The following ME1 variants were observed in gnomAD, a reference collection of about 807,000 sequenced individuals.
The protein encoded by ME1 is malic enzyme 1.
A neutral mutation model predicts 66.4 loss-of-function variants in ME1; 74 were observed. The ratio of observed to expected loss-of-function variants is 1.11; its 90% CI spans 0.92 to 1.35. The LOEUF is 1.35. Ranked by LOEUF, ME1 falls within the 40% of genes most tolerant of loss-of-function variation. The probability of loss-of-function intolerance (pLI) is 0.00; values close to 1 mark genes in which losing one functional copy is unlikely to be tolerated. For missense variants in ME1, 750 were observed against 694.1 expected, an observed-to-expected ratio of 1.08 and a Z score of -0.90; for synonymous variants, 251 against 235.6, an observed-to-expected ratio of 1.07 and a Z score of -0.60.
intron 5 of ME1, among the ~76,000 whole-genome samples, chr6:83,321,861 C>T (rs965350676): frequency 6.6e-6 from 1 of 152,224 alleles, no homozygotes; most frequent in East Asian, 1.9e-4. Flanking sequence ...GACGGAGAGA[C>T]ACCTCCCAGC....
intron 13 of ME1, among the ~76,000 whole-genome samples, chr6:83,213,165 CT>C (rs1789928291): frequency 1.3e-5 from 2 of 151,728 alleles, no homozygotes; most frequent in South Asian, 4.2e-4. Flanking sequence ...TGGCTCATGC[CT>C]GTAATCCCAG....
chr6:83,226,784 G>T (rs1364401218), intron 11 of ME1, among the ~76,000 whole-genome samples: 2 of 137,010 alleles, frequency 1.5e-5, no homozygotes, highest in African/African-American at 7.3e-5. Context: ...GGGAAAAAAG[G>T]CTCCTTTCAG....
intron 5 of ME1, among the ~76,000 whole-genome samples, chr6:83,317,454 G>A (rs530976831): frequency 6.6e-6 from 1 of 151,504 alleles, no homozygotes; most frequent in Non-Finnish European, 1.5e-5. Context: ...CTCATGATTT[G>A]GCTCTCTGTT....
intron 3 of ME1, among the ~76,000 whole-genome samples, chr6:83,364,453 AT>A (rs1466883331): frequency 6.6e-6 from 1 of 151,988 alleles, no homozygotes; most frequent in Non-Finnish European, 1.5e-5. Context: ...TACACTGATC[AT>A]TTTTCAAGTA....
chr6:83,259,219 C>A (rs1766836394), intron 6 of ME1, among the ~76,000 whole-genome samples: 1 of 152,018 alleles, frequency 6.6e-6, no homozygotes, highest in Admixed American at 6.6e-5. Flanking sequence ...TCCAAATTAC[C>A]CATTTTTTAT....
intron 5 of ME1, among the ~76,000 whole-genome samples, chr6:83,344,109 T>TAAAA (rs561027558): frequency 7.9e-6 from 1 of 126,860 alleles, no homozygotes; most frequent in African/African-American, 2.9e-5. Context: ...AGACCCCGTC[T>TAAAA]AAAAAAAAAA....
intron 3 of ME1, among the ~76,000 whole-genome samples, chr6:83,373,796 TC>T (rs1197210587): frequency 6.6e-6 from 1 of 152,102 alleles, no homozygotes; most frequent in Non-Finnish European, 1.5e-5. Flanking sequence ...TGTGTGTTGT[TC>T]CCCTCCCTGT....
chr6:83,373,640 G>A (rs149468077), intron 3 of ME1, among the ~76,000 whole-genome samples: 1 of 152,162 alleles, frequency 6.6e-6, no homozygotes, highest in Non-Finnish European at 1.5e-5. Flanking sequence ...TGGGATACAT[G>A]TGTACAGAAC....
intron 2 of ME1, among the ~76,000 whole-genome samples, chr6:83,402,431 G>A (rs374549139): frequency 2.0e-5 from 3 of 152,062 alleles, no homozygotes; most frequent in African/African-American, 7.2e-5. Context: ...CATTCCAAAC[G>A]GAAGAATGTT....
chr6:83,314,048 C>T (rs1223889913), intron 6 of ME1, among the ~76,000 whole-genome samples: 2 of 152,106 alleles, frequency 1.3e-5, no homozygotes, highest in African/African-American at 4.8e-5. Flanking sequence ...GACTTTATTT[C>T]TAAGAAAAAC....
At chr6:83,218,013 A>G in intron 12 of ME1, among the ~76,000 whole-genome samples, 1 of 152,334 alleles carries the variant, frequency 6.6e-6, no homozygotes, top group South Asian at 2.1e-4. Context: ...AAAATATTAT[A>G]ACATATAATT....
intron 5 of ME1, among the ~76,000 whole-genome samples, chr6:83,323,521 C>T (rs555454204): frequency 1.3e-5 from 2 of 148,794 alleles, no homozygotes; most frequent in African/African-American, 5.0e-5. Flanking sequence ...AAAAAAAAAA[C>T]CCCAGAGGTT....
chr6:83,213,540 C>T (rs1484773466), intron 13 of ME1, among the ~76,000 whole-genome samples: 1 of 152,004 alleles, frequency 6.6e-6, no homozygotes, highest in Non-Finnish European at 1.5e-5. Flanking sequence ...AATTTCTGTA[C>T]TTTTTTAGAA....
chr6:83,349,000 A>AC (rs1562487125), intron 4 of ME1, among the ~76,000 whole-genome samples: 2 of 144,102 alleles, frequency 1.4e-5, no homozygotes, highest in Non-Finnish European at 3.0e-5. Flanking sequence ...AAAAAAAAAA[A>AC]ACAAAAAACA....
chr6:83,431,000 A>ACG lies in ME1; in HGVS notation c.-48_-47dup. 7.8e-7 allele frequency: 1 copy of ACG among 1,284,044 alleles called. No individual in the cohort carries two copies. The highest frequency in any genetic ancestry group is 1.0e-6 in the Non-Finnish European group (1 of 965,254). 79.5% of individuals were successfully genotyped at this position (1,284,044 alleles called of 1,614,324 possible). A position where few individuals can be genotyped will look rare whatever the true frequency, so the allele number is the denominator to read the frequency against. Reference sequence around the variant, plus strand: ...GCGGGGTCAGGCCGGGGCGGGCCGCACGCGCGGTGCAGGCGGCGGATGCTG... The same window carrying ACG: ...GCGGGGTCAGGCCGGGGCGGGCCGCACGCGCGCGGTGCAGGCGGCGGATGCTG... On this transcript the variant is annotated 5_prime_UTR_variant, in exon 1 of 14. Coordinates refer to ENST00000369705, the MANE Select transcript of ME1 (RefSeq NM_002395.6).
chr6:83,395,598 C>T (rs1769715480), intron 3 of ME1, among the ~76,000 whole-genome samples: 1 of 151,618 alleles, frequency 6.6e-6, no homozygotes, highest in Admixed American at 6.6e-5. Flanking sequence ...TCCTCAGCCT[C>T]CTGAGTAGCT....
intron 6 of ME1, among the ~76,000 whole-genome samples, chr6:83,264,949 G>A (rs866187127): frequency 6.6e-6 from 1 of 152,190 alleles, no homozygotes; most frequent in Non-Finnish European, 1.5e-5. Flanking sequence ...ATTGAAAGAA[G>A]TTCTACTGTG....
intron 6 of ME1, among the ~76,000 whole-genome samples, chr6:83,259,907 C>T (rs906232704): frequency 3.3e-5 from 5 of 152,062 alleles, no homozygotes; most frequent in Non-Finnish European, 7.4e-5. Context: ...TTCTCATCCC[C>T]TCAAGTTTCT....
At chr6:83,230,510 A>C (rs916227819) in intron 9 of ME1, among the ~76,000 whole-genome samples, 17 of 152,176 alleles carry the variant, frequency 1.1e-4, no homozygotes, top group Non-Finnish European at 2.2e-4. Context: ...TGCATGTAAA[A>C]CACTCAGGAC....
Sources: gnomAD v4.1 joint callset for allele counts (sites outside exome capture counted in the v4.1 genomes callset) on GRCh38, gnomAD v4.1.1 for gene constraint, MANE v1.5 for transcripts, NCBI Gene and HGNC (gene_info 2026-07-23, HGNC 2026-07-21) for gene names.